The following CYP7B1 variants were observed in gnomAD, a reference collection of about 807,000 sequenced individuals.
The protein encoded by CYP7B1 is cytochrome P450 family 7 subfamily B member 1.
CYP7B1 carries 29 observed loss-of-function variants against 42.7 expected under a neutral mutation model. That is an observed-to-expected ratio of 0.68 (90% CI 0.51 to 0.93). CYP7B1 has a LOEUF of 0.93. CYP7B1 is among the 40% of genes least tolerant of loss of function. CYP7B1 has a pLI of 0.00. For missense variants in CYP7B1, 655 were observed against 600.5 expected (o/e 1.09, Z -0.95); for synonymous variants, 235 against 218.2 (o/e 1.08, Z -0.68).
At chr8:64,673,805 T>C (rs1806402497) in intron 1 of CYP7B1, among the ~76,000 whole-genome samples, 1 of 152,086 alleles carries the variant, frequency 6.6e-6, no homozygotes. Context: ...TCAGAGTACA[T>C]GGAATAGAGT....
rs903247224 is a variant in CYP7B1 at position 64,591,507 on chromosome 8, G to T, written c.*5135C>A. Among the ~76,000 whole-genome samples the T allele has an allele frequency of 6.6e-6, 1 of 152,088 alleles. No homozygotes were observed. The highest frequency in any genetic ancestry group is 2.4e-5 in the African/African-American group (1 of 41,404). On this transcript the variant is annotated 3_prime_UTR_variant, in exon 6 of 6. Coordinates refer to ENST00000310193, the MANE Select transcript of CYP7B1 (RefSeq NM_004820.5). ...AAACACTAGATAAATGTTGTGCTTT[G>T]GTCTTTGAACAGTTTTAAACTTCTA... is the stretch of plus-strand genomic sequence containing the variant.
At chr8:64,678,404 A>C (rs549117298) in intron 1 of CYP7B1, among the ~76,000 whole-genome samples, 6 of 152,116 alleles carry the variant, frequency 3.9e-5, no homozygotes, top group African/African-American at 1.4e-4. Flanking sequence ...ATTTAGCATC[A>C]ATTCTTTAAT....
rs1158682773 is a variant in CYP7B1, at chr8:64,591,210, A to C, written c.*5432T>G. Reference sequence around the variant, plus strand: ...CAAACATCAATGATCACTGATTTAGATAAACAAATGAAGTAGAGTAATAAT... The same window carrying C: ...CAAACATCAATGATCACTGATTTAGCTAAACAAATGAAGTAGAGTAATAAT... On this transcript the variant is annotated 3_prime_UTR_variant, in exon 6 of 6. Coordinates refer to ENST00000310193, the MANE Select transcript of CYP7B1 (RefSeq NM_004820.5). Among the ~76,000 whole-genome samples the C allele has an allele frequency of 6.6e-6, 1 of 152,196 alleles. No homozygotes were observed. The highest frequency in any genetic ancestry group is 1.5e-5 in the Non-Finnish European group (1 of 68,012).
chr8:64,687,659 C>T (rs1184714199), intron 1 of CYP7B1, among the ~76,000 whole-genome samples: 1 of 152,094 alleles, frequency 6.6e-6, no homozygotes, highest in Non-Finnish European at 1.5e-5. Context: ...ATAACAGGTG[C>T]TCAAGAAACA....
rs1428779126 is a variant in CYP7B1, at chr8:64,590,935, T to A, written c.*5707A>T. On this transcript the variant is annotated 3_prime_UTR_variant, in exon 6 of 6. Coordinates refer to ENST00000310193, the MANE Select transcript of CYP7B1 (RefSeq NM_004820.5). ...ACTTGCAAAGCACTTGCATTTCTTATCTGACATCTTTTAGGACAATTTGAT... is the reference window on the plus strand; with the variant it reads ...ACTTGCAAAGCACTTGCATTTCTTAACTGACATCTTTTAGGACAATTTGAT... Among the ~76,000 whole-genome samples the A allele has an allele frequency of 1.3e-5, 2 of 152,192 alleles. No individual in the cohort carries two copies. The highest frequency in any genetic ancestry group is 4.8e-5 in the African/African-American group (2 of 41,464).
rs1294940710 is a variant in CYP7B1 at position 64,594,542 on chromosome 8, G to A, written c.*2100C>T. Among the ~76,000 whole-genome samples the A allele has an allele frequency of 1.3e-5, 2 of 152,178 alleles. No homozygotes were observed. The highest frequency in any genetic ancestry group is 2.9e-5 in the Non-Finnish European group (2 of 68,034). ...TATGATATTAGGAAGGGGTATGAAA[G>A]TGGGTATTAGGGACAAAACAGAATA... On this transcript the variant is annotated 3_prime_UTR_variant, in exon 6 of 6. Transcript: ENST00000310193.
intron 1 of CYP7B1, among the ~76,000 whole-genome samples, chr8:64,667,148 C>T (rs956908055): frequency 2.6e-5 from 4 of 151,990 alleles, no homozygotes; most frequent in Admixed American, 1.3e-4. Context: ...AAAAAAGAAC[C>T]CAATGGGGAA....
At chr8:64,782,166 T>C (rs1011608854) in intron 1 of CYP7B1, among the ~76,000 whole-genome samples, 1 of 152,136 alleles carries the variant, frequency 6.6e-6, no homozygotes, top group Non-Finnish European at 1.5e-5. Context: ...TGCAAGAAGG[T>C]CCCAGTGTAG....
chr8:64,724,966 T>C (rs184150151), intron 1 of CYP7B1, among the ~76,000 whole-genome samples: 311 of 152,356 alleles, frequency 2.0e-3, no homozygotes, highest in Non-Finnish European at 3.6e-3. Context: ...CCTAACCTTG[T>C]CCGATAGTAC....
intron 1 of CYP7B1, among the ~76,000 whole-genome samples, chr8:64,669,144 T>C (rs879679968): frequency 1.3e-5 from 2 of 152,056 alleles, no homozygotes; most frequent in Non-Finnish European, 2.9e-5. Flanking sequence ...AATGAAGATA[T>C]CAAATTTGCC....
chr8:64,737,894 T>G (rs531168747), intron 1 of CYP7B1, among the ~76,000 whole-genome samples: 8 of 152,326 alleles, frequency 5.3e-5, no homozygotes, highest in African/African-American at 1.7e-4. Context: ...TGGTTTTATG[T>G]TCTACTTATT....
intron 5 of CYP7B1, among the ~76,000 whole-genome samples, chr8:64,600,196 C>T (rs1315585318): frequency 6.6e-6 from 1 of 152,094 alleles, no homozygotes; most frequent in Non-Finnish European, 1.5e-5. Flanking sequence ...TATTGAAGCA[C>T]TAGAAATCAA....
chr8:64,734,407 T>C (rs1291169649), intron 1 of CYP7B1: 1 of 152,180 alleles, frequency 6.6e-6, no homozygotes, highest in Non-Finnish European at 1.5e-5. Context: ...GTATCTCTGC[T>C]TCTAAAAGGC....
chr8:64,619,921 G>A (rs1310105724), intron 2 of CYP7B1, among the ~76,000 whole-genome samples: 1 of 151,920 alleles, frequency 6.6e-6, no homozygotes, highest in Non-Finnish European at 1.5e-5. Context: ...GCTTGGCATA[G>A]AAATGTCCTG....
intron 1 of CYP7B1, among the ~76,000 whole-genome samples, chr8:64,731,770 GGT>G (rs1807413373): frequency 6.6e-6 from 1 of 152,204 alleles, no homozygotes; most frequent in Admixed American, 6.5e-5. Flanking sequence ...TTGGTGACAT[GGT>G]GTCCTTGTGA....
intron 1 of CYP7B1, among the ~76,000 whole-genome samples, chr8:64,634,464 A>T (rs1339270306): frequency 6.6e-6 from 1 of 151,942 alleles, no homozygotes; most frequent in African/African-American, 2.4e-5. Context: ...CTGTATTCCC[A>T]GCTACTCAGG....
At chr8:64,786,632 C>T (rs951714558) in intron 1 of CYP7B1, among the ~76,000 whole-genome samples, 4 of 152,192 alleles carry the variant, frequency 2.6e-5, no homozygotes, top group African/African-American at 9.7e-5. Context: ...CTGGCTTTTC[C>T]AGGTGCTCAG....
At chr8:64,732,344 T>C (rs562054481) in intron 1 of CYP7B1, among the ~76,000 whole-genome samples, 1 of 152,198 alleles carries the variant, frequency 6.6e-6, no homozygotes, top group South Asian at 2.1e-4. Context: ...TTTTGGAACT[T>C]TAAGGTTTAA....
chr8:64,635,812 T>C (rs1400891558), intron 1 of CYP7B1, among the ~76,000 whole-genome samples: 2 of 152,206 alleles, frequency 1.3e-5, no homozygotes, highest in Non-Finnish European at 2.9e-5. Flanking sequence ...AGTTCATCTA[T>C]GTAATTTTGT....
Sources: allele counts gnomAD v4.1 joint callset (sites outside exome capture counted in the v4.1 genomes callset), GRCh38; gene constraint gnomAD v4.1.1; transcripts MANE v1.5; gene names NCBI Gene and HGNC (gene_info 2026-07-23, HGNC 2026-07-21).